The following DEPTOR variants were observed in gnomAD, a reference collection of about 807,000 sequenced individuals.
The protein encoded by DEPTOR is DEP domain containing MTOR interacting protein, also known as DEP domain-containing mTOR-interacting protein.
A neutral mutation model predicts 41.6 loss-of-function variants in DEPTOR; 41 were observed. That is an observed-to-expected ratio of 0.98 (90% CI 0.77 to 1.28). The LOEUF is 1.28. DEPTOR is among the 50% of genes most tolerant of loss of function. DEPTOR has a pLI of 0.00. For synonymous variants in DEPTOR, 195 were observed against 192.3 expected, an observed-to-expected ratio of 1.01 and a Z score of -0.12; for missense variants, 514 against 527.9, an observed-to-expected ratio of 0.97 and a Z score of 0.26.
At chr8:120,008,931 G>A (rs1162434159) in intron 7 of DEPTOR, 98 bp from the exon 8 acceptor site, 2 of 1,070,378 alleles carry the variant, frequency 1.9e-6, no homozygotes, top group African/African-American at 3.1e-5. Context: ...ATATGTCACA[G>A]TGTATACTTA....
chr8:119,929,736 T>C, intron 2 of DEPTOR, 79 bp from the exon 3 acceptor site: 1 of 1,519,510 alleles, frequency 6.6e-7, no homozygotes, highest in Admixed American at 2.0e-5. Flanking sequence ...AATTCTTAAT[T>C]AGCATCATAC....
In DEPTOR at chr8:119,965,358, A is replaced by G. The variant is rs746642896; in HGVS notation, c.552A>G (p.Lys184=). 7 of 1,614,118 alleles carry G rather than the reference A, an allele frequency of 4.3e-6. No homozygotes were observed. The highest frequency in any genetic ancestry group is 1.6e-4 in the Middle Eastern group (1 of 6,062). Residue 184 remains lysine, a synonymous_variant, in exon 4 of 9, where the codon AAA becomes AAG. Coordinates refer to ENST00000286234, the MANE Select transcript of DEPTOR (RefSeq NM_022783.4). ...AGGAAGGTGAGGCCACCACGAGGAA[A>G]GAGGCAGAGCAGCTTTGCCACCGGC... ...LVQEGEATTR[K]EAEQLCHRLM...
At chr8:119,959,998 G>A (rs141187055) in intron 3 of DEPTOR, among the ~76,000 whole-genome samples, 5,451 of 152,150 alleles carry the variant, frequency 0.036, 106 homozygotes, top group African/African-American at 0.052. Flanking sequence ...GGGAGGCTGA[G>A]GTGGGCAGAT....
Position 119,939,331 on chromosome 8 carries a change from T to A in DEPTOR, c.425+9393T>A, listed in dbSNP as rs551991203. 5.9e-5 allele frequency among the ~76,000 whole-genome samples: 9 copies of A among 152,284 alleles called. No homozygotes were observed. In the East Asian group the frequency reaches 1.5e-3, roughly 26 times the overall value. ...GGAGGCAGCCTCATGTCTAGTTTCATCCAGGTAGCTGAGCTCAGTCCTCTT... is the reference window on the plus strand; with the variant it reads ...GGAGGCAGCCTCATGTCTAGTTTCAACCAGGTAGCTGAGCTCAGTCCTCTT... On this transcript the variant is annotated intron_variant, in intron 3 of 8. Transcript: ENST00000286234.
At chr8:119,960,622 A>T (rs1239143148) in intron 3 of DEPTOR, among the ~76,000 whole-genome samples, 1 of 152,204 alleles carries the variant, frequency 6.6e-6, no homozygotes, top group African/African-American at 2.4e-5. Flanking sequence ...ACTGTACATT[A>T]TTTCTTATTA....
chr8:119,972,536 T>C (rs556290172), intron 4 of DEPTOR, among the ~76,000 whole-genome samples: 8 of 151,740 alleles, frequency 5.3e-5, no homozygotes, highest in Middle Eastern at 3.4e-3. Context: ...GGCAGGAAAA[T>C]TGCTGGAACC....
rs925614089 is a variant in DEPTOR at position 120,022,283 on chromosome 8, A to G, written c.1101+13150A>G. Among the ~76,000 whole-genome samples, 10 of 152,048 alleles carry G rather than the reference A, an allele frequency of 6.6e-5. No homozygotes were observed. In the East Asian group the frequency reaches 1.7e-3, roughly 26 times the overall value. ...AAGTTCAAGCCCCATTGACTACTAC[A>G]TTCGTATCAGTGGGTTCATTTTTGC... On this transcript the variant is annotated intron_variant, in intron 8 of 8. Coordinates refer to ENST00000286234, the MANE Select transcript of DEPTOR (RefSeq NM_022783.4).
At chr8:119,998,730 C>T (rs1309842262) in intron 4 of DEPTOR, among the ~76,000 whole-genome samples, 1 of 152,034 alleles carries the variant, frequency 6.6e-6, no homozygotes, top group Non-Finnish European at 1.5e-5. Flanking sequence ...TACGTCCAGA[C>T]TAATAGTCAT....
chr8:120,038,268 C>CA (rs71771968), intron 8 of DEPTOR, among the ~76,000 whole-genome samples: 61,703 of 116,330 alleles, frequency 0.53, 16,293 homozygotes, highest in African/African-American at 0.76. Context: ...GAGTCTGTCT[C>CA]AAAAAAAAAA....
chr8:119,919,426 A>T (rs1038888866), intron 1 of DEPTOR, among the ~76,000 whole-genome samples: 22 of 152,312 alleles, frequency 1.4e-4, no homozygotes, highest in Admixed American at 1.2e-3. Context: ...AGAGACTTTT[A>T]ATTTCATTTT....
chr8:119,883,785 C>T (rs1386952299), intron 1 of DEPTOR, among the ~76,000 whole-genome samples: 1 of 152,196 alleles, frequency 6.6e-6, no homozygotes, highest in African/African-American at 2.4e-5. Flanking sequence ...TACCCGGAAG[C>T]TCTCTTCATT....
chr8:120,041,029 G>T (rs757692459), intron 8 of DEPTOR, among the ~76,000 whole-genome samples: 1 of 152,070 alleles, frequency 6.6e-6, no homozygotes, highest in Non-Finnish European at 1.5e-5. Context: ...TCTCTGTATT[G>T]TTAAATGTTT....
At chr8:119,937,232 T>TCTA (rs1828125630) in intron 3 of DEPTOR, among the ~76,000 whole-genome samples, 1 of 151,724 alleles carries the variant, frequency 6.6e-6, no homozygotes, top group African/African-American at 2.4e-5. Flanking sequence ...AAACCCAGTC[T>TCTA]CTACTAAAAA....
chr8:120,049,581 T>C lies in DEPTOR; in HGVS notation c.1107T>C (p.Cys369=), dbSNP rs1388332436. The C allele has an allele frequency of 6.2e-7, 1 of 1,613,310 alleles. No individual in the cohort carries two copies. The highest frequency in any genetic ancestry group is 1.3e-5 in the African/African-American group (1 of 74,916). ...GPAAAAGMKV[C]QFVVSVNGLN... is the part of the protein sequence containing the mutation. ...TCTTTGCATCTTTCCTTTAGGTCTG[T>C]CAGTTTGTCGTCTCTGTCAACGGGC... is the stretch of plus-strand genomic sequence containing the variant. Residue 369 remains cysteine, a synonymous_variant, in exon 9 of 9, where the codon TGT becomes TGC. Transcript: ENST00000286234.
intron 8 of DEPTOR, among the ~76,000 whole-genome samples, chr8:120,019,645 G>C (rs1264646323): frequency 6.6e-6 from 1 of 152,168 alleles, no homozygotes; most frequent in East Asian, 1.9e-4. Flanking sequence ...GTTGGTGAAG[G>C]ATTAAAGGAA....
chr8:119,945,808 C>T (rs531801960), intron 3 of DEPTOR, among the ~76,000 whole-genome samples: 8 of 152,112 alleles, frequency 5.3e-5, no homozygotes, highest in Admixed American at 2.0e-4. Flanking sequence ...TGAAGGCACA[C>T]GGGTCAGCGT....
At chr8:119,931,654 A>G (rs542088187) in intron 3 of DEPTOR, among the ~76,000 whole-genome samples, 79 of 152,264 alleles carry the variant, frequency 5.2e-4, no homozygotes, top group Non-Finnish European at 1.0e-3. Flanking sequence ...TACTCAGTCT[A>G]CTATCACTTG....
chr8:120,001,026 G>A (rs563368774), intron 4 of DEPTOR, among the ~76,000 whole-genome samples: 14 of 151,692 alleles, frequency 9.2e-5, no homozygotes, highest in Middle Eastern at 3.4e-3. Context: ...GCAGTGAGCC[G>A]AGATCATGCC....
intron 8 of DEPTOR, among the ~76,000 whole-genome samples, chr8:120,022,894 G>A (rs1586662118): frequency 6.6e-6 from 1 of 152,244 alleles, no homozygotes; most frequent in East Asian, 1.9e-4. Context: ...ACCTGGAAGA[G>A]ATTCAAAGCT....
Sources: allele counts gnomAD v4.1 joint callset (sites outside exome capture counted in the v4.1 genomes callset), GRCh38; gene constraint gnomAD v4.1.1; transcripts MANE v1.5; gene names NCBI Gene and HGNC (gene_info 2026-07-23, HGNC 2026-07-21).